SHB: variants seen among roughly 807,000 people sequenced by gnomAD.
The protein encoded by SHB is SH2 domain-containing adapter protein B.
A neutral mutation model predicts 52.3 loss-of-function variants in SHB; 20 were observed. The ratio of observed to expected loss-of-function variants is 0.38; its 90% CI spans 0.27 to 0.56. The LOEUF (loss-of-function observed/expected upper bound fraction) is 0.56, where lower values mean the gene tolerates loss of function less well. Ranked by LOEUF, SHB falls within the 20% of genes least tolerant of loss-of-function variation. The pLI is 0.71. For missense variants in SHB, 825 were observed against 723.3 expected, an observed-to-expected ratio of 1.14 and a Z score of -1.61; for synonymous variants, 397 against 316.5, an observed-to-expected ratio of 1.25 and a Z score of -2.70.
At chr9:37,960,652 A>G (rs1832683683) in intron 3 of SHB, among the ~76,000 whole-genome samples, 1 of 152,202 alleles carries the variant, frequency 6.6e-6, no homozygotes, top group Admixed American at 6.5e-5. Flanking sequence ...CCTTGCTTCT[A>G]GGAAGCTTTC....
At chr9:38,021,039 A>G (rs1821275615) in intron 1 of SHB, among the ~76,000 whole-genome samples, 1 of 152,068 alleles carries the variant, frequency 6.6e-6, no homozygotes. Context: ...AACCTGCTAA[A>G]AAGAATGATG....
At chr9:38,034,325 A>T (rs73646136) in intron 1 of SHB, among the ~76,000 whole-genome samples, 7,072 of 152,286 alleles carry the variant, frequency 0.046, 545 homozygotes, top group African/African-American at 0.16. Context: ...AGCTTCCCAC[A>T]GCCAACCTGA....
intron 1 of SHB, among the ~76,000 whole-genome samples, chr9:38,038,585 A>G (rs1424403490): frequency 3.9e-5 from 6 of 152,224 alleles, no homozygotes; most frequent in Non-Finnish European, 8.8e-5. Context: ...TGGCTCAGAG[A>G]GATTAAGAAA....
chr9:38,013,468 G>A (rs1821168468), intron 2 of SHB, among the ~76,000 whole-genome samples: 1 of 152,200 alleles, frequency 6.6e-6, no homozygotes, highest in Non-Finnish European at 1.5e-5. Context: ...GCCTGGCACG[G>A]TGGCACGTGC....
chr9:38,012,732 C>A lies in SHB; in HGVS notation c.838+3279G>T, dbSNP rs115386263. On this transcript the variant is annotated intron_variant, in intron 2 of 5. Coordinates refer to ENST00000377707, the MANE Select transcript of SHB (RefSeq NM_003028.3). ...ACGCTCCTCCTGTACAGGTACGCCA[C>A]CTGCGGCACACGGAGGGCACAGCCT... Among the ~76,000 whole-genome samples, 1,297 of 151,422 alleles carry A rather than the reference C, an allele frequency of 8.6e-3. 23 individuals carry two copies. The highest frequency in any genetic ancestry group is 0.03 in the African/African-American group (1,244 of 41,254).
chr9:38,010,839 C>G (rs1362494373), intron 2 of SHB, among the ~76,000 whole-genome samples: 1 of 152,232 alleles, frequency 6.6e-6, no homozygotes, highest in African/African-American at 2.4e-5. Context: ...CCAGGGACCA[C>G]CTGCTCCAGC....
At position 37,917,548 on chromosome 9, in the gene SHB, T is replaced by A. The variant is rs1832116261; in HGVS notation, c.*2273A>T. ...TTGCCAGTGTGAGGTCTCACCCTCC[T>A]CCCCCGCCGGAGGGTTGTTCCCCCT... On this transcript the variant is annotated 3_prime_UTR_variant, in exon 6 of 6. Transcript: ENST00000377707. Among the ~76,000 whole-genome samples the A allele has an allele frequency of 6.6e-6, 1 of 152,128 alleles. No individual in the cohort carries two copies. Among genetic ancestry groups the A allele is most frequent in the South Asian group, 2.1e-4 (1 of 4,824 alleles).
At chr9:37,990,382 T>G (rs1820867889) in intron 2 of SHB, among the ~76,000 whole-genome samples, 1 of 152,166 alleles carries the variant, frequency 6.6e-6, no homozygotes, top group African/African-American at 2.4e-5. Flanking sequence ...ACCCCACCTC[T>G]GGGGGTCAAG....
intron 2 of SHB, among the ~76,000 whole-genome samples, chr9:37,976,566 G>A (rs931252304): frequency 7.2e-5 from 11 of 152,158 alleles, no homozygotes; most frequent in African/African-American, 2.7e-4. Flanking sequence ...CCTGAACAAT[G>A]TGGAATCATT....
At chr9:37,955,015 T>C (rs909718650) in intron 4 of SHB, among the ~76,000 whole-genome samples, 2 of 151,986 alleles carry the variant, frequency 1.3e-5, no homozygotes, top group African/African-American at 4.8e-5. Context: ...GTGGGAAATC[T>C]CTGGGCAAAG....
intron 4 of SHB, among the ~76,000 whole-genome samples, chr9:37,952,383 G>A (rs987641425): frequency 3.3e-5 from 5 of 152,222 alleles, no homozygotes; most frequent in African/African-American, 1.2e-4. Context: ...CCTGAGGTAG[G>A]AATGCGCTTG....
intron 2 of SHB, among the ~76,000 whole-genome samples, chr9:38,001,326 G>C (rs1354844477): frequency 1.3e-5 from 2 of 152,236 alleles, no homozygotes; most frequent in Non-Finnish European, 2.9e-5. Context: ...AACCACCCTT[G>C]TCAGGAGAGG....
At chr9:37,963,179 TA>T in intron 3 of SHB, among the ~76,000 whole-genome samples, 2 of 152,234 alleles carry the variant, frequency 1.3e-5, no homozygotes, top group South Asian at 4.2e-4. Flanking sequence ...CCCCCGGGGA[TA>T]GGGGGTCATT....
At chr9:38,002,588 A>T (rs1821029445) in intron 2 of SHB, among the ~76,000 whole-genome samples, 1 of 152,090 alleles carries the variant, frequency 6.6e-6, no homozygotes, top group East Asian at 1.9e-4. Flanking sequence ...CAGTTGTGAG[A>T]ACCCTCCTCC....
chr9:37,948,864 A>G, intron 4 of SHB, 110 bp from the exon 5 acceptor site: 1 of 1,414,758 alleles, frequency 7.1e-7, no homozygotes, highest in Non-Finnish European at 9.7e-7. Context: ...ACAAGCAGGC[A>G]TGCACTGGTT....
intron 1 of SHB, among the ~76,000 whole-genome samples, chr9:38,016,694 G>T (rs1017907814): frequency 8.5e-5 from 13 of 152,192 alleles, no homozygotes; most frequent in African/African-American, 3.1e-4. Flanking sequence ...TGTGGCCCCA[G>T]ACAGACCAAA....
chr9:38,023,645 T>G (rs1273681977), intron 1 of SHB, among the ~76,000 whole-genome samples: 1 of 152,204 alleles, frequency 6.6e-6, no homozygotes, highest in Non-Finnish European at 1.5e-5. Context: ...AAGGAAAATG[T>G]TTGTGAATGC....
intron 1 of SHB, among the ~76,000 whole-genome samples, chr9:38,027,546 A>G (rs1821359578): frequency 6.6e-6 from 1 of 151,826 alleles, no homozygotes; most frequent in Admixed American, 6.6e-5. Context: ...GGGAGGAGAC[A>G]CTTACCGGGG....
intron 2 of SHB, among the ~76,000 whole-genome samples, chr9:38,014,864 A>G (rs887142198): frequency 6.6e-6 from 1 of 152,236 alleles, no homozygotes; most frequent in Non-Finnish European, 1.5e-5. Context: ...GACGCTGGAC[A>G]TGGACCCGGC....
Sources: allele counts gnomAD v4.1 joint callset (sites outside exome capture counted in the v4.1 genomes callset), GRCh38; gene constraint gnomAD v4.1.1; transcripts MANE v1.5; gene names NCBI Gene and HGNC (gene_info 2026-07-23, HGNC 2026-07-21).